The following SLC24A3 variants were observed in gnomAD, a reference collection of about 807,000 sequenced individuals.
SLC24A3 encodes sodium/potassium/calcium exchanger 3.
In SLC24A3, 28 loss-of-function variants were observed where a neutral mutation model predicts 75.8. The ratio of observed to expected loss-of-function variants is 0.37; its 90% CI spans 0.27 to 0.51. The LOEUF (loss-of-function observed/expected upper bound fraction) is 0.51. Ranked by LOEUF, SLC24A3 falls within the 20% of genes least tolerant of loss-of-function variation. The pLI is 0.94. For synonymous variants in SLC24A3, 372 were observed against 334.1 expected (o/e 1.11, Z -1.24); for missense variants, 663 against 847.8 (o/e 0.78, Z 2.71).
chr20:19,491,523 A>G (rs1053741022), intron 2 of SLC24A3, among the ~76,000 whole-genome samples: 3 of 152,156 alleles, frequency 2.0e-5, no homozygotes, highest in Non-Finnish European at 4.4e-5. Context: ...CTGAGCTTCC[A>G]GTCACCCTGG....
chr20:19,579,954 C>G, intron 3 of SLC24A3, 46 bp from the exon 4 acceptor site: 1 of 1,444,296 alleles, frequency 6.9e-7, no homozygotes, highest in Non-Finnish European at 9.7e-7. Flanking sequence ...ATCTTCCTGG[C>G]TCTGCCTCAC....
At chr20:19,379,655 G>A (rs1421940859) in intron 2 of SLC24A3, among the ~76,000 whole-genome samples, 1 of 152,140 alleles carries the variant, frequency 6.6e-6, no homozygotes, top group Admixed American at 6.5e-5. Flanking sequence ...GCCAGTGGCT[G>A]CTTCCACTGC....
Position 19,583,556 on chromosome 20 carries a change from G to T in SLC24A3, c.424-1415G>T, listed in dbSNP as rs574918306. Among the ~76,000 whole-genome samples the T allele has an allele frequency of 1.1e-4, 16 of 152,244 alleles. No individual in the cohort carries two copies. The South Asian group carries it at 3.3e-3, about 32-fold the overall frequency. On this transcript the variant is annotated intron_variant, in intron 4 of 16. Coordinates refer to ENST00000328041, the MANE Select transcript of SLC24A3 (RefSeq NM_020689.4). ...GAAGTGAACTGGGGATGATGGAGGGGTATAAGAAGATACAGAGGAAGAAAC... is the reference window on the plus strand; with the variant it reads ...GAAGTGAACTGGGGATGATGGAGGGTTATAAGAAGATACAGAGGAAGAAAC...
At chr20:19,584,850 TC>T (rs2031272049) in intron 4 of SLC24A3, 120 bp from the exon 5 acceptor site, 2 of 804,962 alleles carry the variant, frequency 2.5e-6, no homozygotes, top group African/African-American at 1.7e-5. Context: ...GTCCCATCGG[TC>T]CTACTCTCGC....
intron 2 of SLC24A3, among the ~76,000 whole-genome samples, chr20:19,456,656 G>C (rs564533831): frequency 6.6e-6 from 1 of 152,376 alleles, no homozygotes; most frequent in Admixed American, 6.5e-5. Flanking sequence ...CAGGATGTCA[G>C]TAACCAGGCT....
Position 19,396,306 on chromosome 20 carries a change from T to A in SLC24A3, c.271+115219T>A, listed in dbSNP as rs115938028. Reference sequence around the variant, plus strand: ...AAGCAAGACATAATAAACTTTTAAATTTTCTAATAGCTACATTAAATAAAG... The same window carrying A: ...AAGCAAGACATAATAAACTTTTAAAATTTCTAATAGCTACATTAAATAAAG... On this transcript the variant is annotated intron_variant, in intron 2 of 16. Transcript: ENST00000328041. Among the ~76,000 whole-genome samples the A allele has an allele frequency of 3.2e-3, 489 of 152,318 alleles. 4 individuals carry two copies. Among genetic ancestry groups the A allele is most frequent in the African/African-American group, 0.011 (468 of 41,572 alleles).
chr20:19,531,214 CA>C (rs1432381571), intron 3 of SLC24A3, among the ~76,000 whole-genome samples: 1 of 152,188 alleles, frequency 6.6e-6, no homozygotes, highest in African/African-American at 2.4e-5. Context: ...TTTTATTTTT[CA>C]GTCACAAATG....
intron 7 of SLC24A3, among the ~76,000 whole-genome samples, chr20:19,654,465 C>G (rs1220042411): frequency 6.6e-6 from 1 of 151,774 alleles, no homozygotes; most frequent in African/African-American, 2.4e-5. Context: ...CCTTCTCACT[C>G]TGTATGCTCT....
At chr20:19,582,532 A>T (rs1033162123) in intron 4 of SLC24A3, among the ~76,000 whole-genome samples, 2 of 152,210 alleles carry the variant, frequency 1.3e-5, no homozygotes, top group African/African-American at 4.8e-5. Context: ...AGAGAAGGAG[A>T]TAAAGGCAAT....
At chr20:19,715,087 G>GAT (rs1272146044) in intron 15 of SLC24A3, among the ~76,000 whole-genome samples, 1 of 152,188 alleles carries the variant, frequency 6.6e-6, no homozygotes, top group Non-Finnish European at 1.5e-5. Context: ...TCTACCCAAG[G>GAT]GTGACTGAGG....
At chr20:19,613,932 C>T (rs578053645) in intron 6 of SLC24A3, among the ~76,000 whole-genome samples, 1 of 152,322 alleles carries the variant, frequency 6.6e-6, no homozygotes, top group South Asian at 2.1e-4. Context: ...AAATTCTTTG[C>T]GTTCAACCCG....
intron 6 of SLC24A3, among the ~76,000 whole-genome samples, chr20:19,624,000 C>T (rs942464647): frequency 4.6e-5 from 7 of 152,218 alleles, no homozygotes; most frequent in Admixed American, 3.9e-4. Flanking sequence ...GGCCTGACAA[C>T]TCCTTCTCTT....
intron 14 of SLC24A3, 65 bp downstream of exon 14, chr20:19,696,976 AG>A: frequency 1.3e-4 from 2 of 15,588 alleles, no homozygotes; most frequent in Admixed American, 1.1e-3. Context: ...GGAAGAAGGG[AG>A]GGAGGGAGGG....
rs6035410 is a variant in SLC24A3 at position 19,688,415 on chromosome 20, A to G, written c.1324+3054A>G. Among the ~76,000 whole-genome samples the G allele has an allele frequency of 1.7e-3, 264 of 152,342 alleles. 2 individuals carry two copies. The highest frequency in any genetic ancestry group is 6.2e-3 in the African/African-American group (256 of 41,566). ...TGTCTCTTCCCCTCCACCAGCTGCT[A>G]AGGAATCCCAGGCCCAGAATTAGGA... On this transcript the variant is annotated intron_variant, in intron 12 of 16. Transcript: ENST00000328041.
intron 2 of SLC24A3, among the ~76,000 whole-genome samples, chr20:19,353,542 A>G (rs1055614786): frequency 1.3e-5 from 2 of 152,184 alleles, no homozygotes; most frequent in Non-Finnish European, 1.5e-5. Flanking sequence ...TCAGTGTGTC[A>G]GAAACTGTGC....
chr20:19,337,823 G>A (rs561130399), intron 2 of SLC24A3, among the ~76,000 whole-genome samples: 1 of 152,262 alleles, frequency 6.6e-6, no homozygotes, highest in South Asian at 2.1e-4. Flanking sequence ...GGGCTGGCTC[G>A]ATTAGGATGG....
At position 19,646,848 on chromosome 20, in the gene SLC24A3, TGTGC is replaced by T. The variant is rs879702945; in HGVS notation, c.613-7210_613-7207del. On this transcript the variant is annotated intron_variant, in intron 6 of 16. Transcript: ENST00000328041. ...TTTAAAAATTACAAAACTCTGTGTG[TGTGC>T]GTGTGTGTGTGTGTGTGTTTATGCT... Among the ~76,000 whole-genome samples, 11 of 148,754 alleles carry T rather than the reference TGTGC, an allele frequency of 7.4e-5. 1 individual carries two copies. Among genetic ancestry groups the T allele is most frequent in the Admixed American group, 2.0e-4 (3 of 14,842 alleles).
chr20:19,683,105 A>G (rs555284318), intron 10 of SLC24A3, among the ~76,000 whole-genome samples: 2 of 152,308 alleles, frequency 1.3e-5, no homozygotes, highest in Admixed American at 6.5e-5. Context: ...TATCTCTGAC[A>G]TCACTGCATC....
Position 19,696,959 on chromosome 20 carries a change from GAGGGAGGGAAGA to G in SLC24A3, c.1606+58_1606+69del, listed in dbSNP as rs762141604. 4 of 637,964 alleles carry G rather than the reference GAGGGAGGGAAGA, an allele frequency of 6.3e-6. No homozygotes were observed. In the East Asian group the frequency reaches 1.4e-4, roughly 23 times the overall value. 39.5% of individuals were successfully genotyped at this position (637,964 alleles called of 1,614,324 possible). The stretch of plus-strand genomic sequence containing the variant: ...GGAAGGAGGGAGGGAGGGAGGAGGA[GAGGGAGGGAAGA>G]AGGGAGGGAGGGAGGGAGGGAAGGA... On this transcript the variant is annotated intron_variant, in intron 14 of 16. Coordinates refer to ENST00000328041, the MANE Select transcript of SLC24A3 (RefSeq NM_020689.4).
Sources: gnomAD v4.1 joint callset for allele counts (sites outside exome capture counted in the v4.1 genomes callset) on GRCh38, gnomAD v4.1.1 for gene constraint, MANE v1.5 for transcripts, NCBI Gene and HGNC (gene_info 2026-07-23, HGNC 2026-07-21) for gene names.